Variants in LRBA observed in about 807,000 individuals in gnomAD.
LRBA encodes LPS responsive beige-like anchor protein.
A neutral mutation model predicts 330.0 loss-of-function variants in LRBA; 176 were observed. The ratio of observed to expected loss-of-function variants is 0.53; its 90% CI spans 0.47 to 0.60. The LOEUF is 0.60. Ranked by LOEUF, LRBA falls within the 20% of genes least tolerant of loss-of-function variation. The pLI, the probability that LRBA is intolerant of heterozygous loss-of-function variation, is 0.00. For synonymous variants in LRBA, 1,230 were observed against 1,193.0 expected (o/e 1.03, Z -0.64); for missense variants, 3,259 against 3,444.8 (o/e 0.95, Z 1.35).
intron 41 of LRBA, among the ~76,000 whole-genome samples, chr4:150,489,652 T>C (rs1476752352): frequency 4.1e-5 from 5 of 120,740 alleles, no homozygotes; most frequent in Non-Finnish European, 8.2e-5. Flanking sequence ...ATATAATATA[T>C]AATATTATAT....
chr4:150,992,235 G>T (rs528997960), intron 2 of LRBA, among the ~76,000 whole-genome samples: 37 of 151,244 alleles, frequency 2.4e-4, no homozygotes, highest in African/African-American at 8.7e-4. Flanking sequence ...AAAATCGCTT[G>T]AACTCGGGAG....
intron 40 of LRBA, among the ~76,000 whole-genome samples, chr4:150,528,343 CAA>C (rs144716284): frequency 2.0e-5 from 3 of 151,358 alleles, no homozygotes; most frequent in Non-Finnish European, 4.4e-5. Context: ...ACTAAAAATA[CAA>C]AAAAAATTAG....
intron 34 of LRBA, among the ~76,000 whole-genome samples, chr4:150,781,357 C>T (rs367815587): frequency 1.3e-5 from 2 of 152,230 alleles, no homozygotes; most frequent in African/African-American, 4.8e-5. Context: ...GAGCACACAA[C>T]TTAGATCAGC....
intron 35 of LRBA, among the ~76,000 whole-genome samples, chr4:150,735,748 C>T (rs1051431997): frequency 1.3e-5 from 2 of 152,054 alleles, no homozygotes; most frequent in African/African-American, 4.8e-5. Context: ...TTTGCTATTC[C>T]CAAGTGAGAA....
intron 36 of LRBA, among the ~76,000 whole-genome samples, chr4:150,694,001 T>C (rs1464408989): frequency 6.6e-6 from 1 of 152,198 alleles, no homozygotes; most frequent in Non-Finnish European, 1.5e-5. Context: ...AAGTTTTGTA[T>C]TTAAAACCTC....
chr4:150,438,151 C>A (rs1010326918), intron 44 of LRBA, among the ~76,000 whole-genome samples: 11 of 152,148 alleles, frequency 7.2e-5, no homozygotes, highest in Admixed American at 7.2e-4. Flanking sequence ...AGTACCCACT[C>A]ACTGAAAAAG....
chr4:150,744,782 C>T (rs1016090074), intron 35 of LRBA, among the ~76,000 whole-genome samples: 2 of 152,146 alleles, frequency 1.3e-5, no homozygotes, highest in Non-Finnish European at 2.9e-5. Flanking sequence ...TTAAATGATC[C>T]CAACCCCTTG....
At chr4:150,584,922 G>A (rs1452353593) in intron 40 of LRBA, among the ~76,000 whole-genome samples, 2 of 152,106 alleles carry the variant, frequency 1.3e-5, no homozygotes, top group Non-Finnish European at 2.9e-5. Flanking sequence ...TTGTTCTGTA[G>A]ATGTTAAGAT....
intron 36 of LRBA, among the ~76,000 whole-genome samples, chr4:150,707,230 T>A (rs1464300259): frequency 6.6e-6 from 1 of 151,630 alleles, no homozygotes; most frequent in African/African-American, 2.4e-5. Flanking sequence ...TTTTTTATTT[T>A]AAATTACCTA....
intron 2 of LRBA, among the ~76,000 whole-genome samples, chr4:151,008,696 T>C (rs6842691): frequency 0.96 from 145,573 of 151,682 alleles, 70,126 homozygotes; most frequent in Non-Finnish European, 1. Context: ...ACCTCTAGGC[T>C]GGGCGCAGTG....
At chr4:150,393,217 T>G (rs1230342325) in intron 47 of LRBA, among the ~76,000 whole-genome samples, 6 of 152,176 alleles carry the variant, frequency 3.9e-5, no homozygotes, top group Non-Finnish European at 7.4e-5. Context: ...ATTATATATA[T>G]TCATCTTTGT....
At chr4:150,864,100 G>A (rs1387769182) in intron 22 of LRBA, among the ~76,000 whole-genome samples, 1 of 152,028 alleles carries the variant, frequency 6.6e-6, no homozygotes, top group Non-Finnish European at 1.5e-5. Context: ...ACCACGCCCA[G>A]CTAATTTTTG....
At chr4:150,680,156 G>C (rs1054599851) in intron 37 of LRBA, among the ~76,000 whole-genome samples, 1 of 152,098 alleles carries the variant, frequency 6.6e-6, no homozygotes, top group African/African-American at 2.4e-5. Flanking sequence ...TTCTTATCAA[G>C]CTCTCTCAGT....
chr4:150,643,449 A>G (rs1446327270), intron 37 of LRBA, among the ~76,000 whole-genome samples: 1 of 151,960 alleles, frequency 6.6e-6, no homozygotes, highest in African/African-American at 2.4e-5. Context: ...AGGTGGAAGA[A>G]GAATGGGCAA....
At chr4:150,686,606 TGACA>T (rs1309411446) in intron 36 of LRBA, among the ~76,000 whole-genome samples, 2 of 152,152 alleles carry the variant, frequency 1.3e-5, no homozygotes, top group African/African-American at 4.8e-5. Flanking sequence ...TAGTACGAAA[TGACA>T]GACATTCACA....
chr4:150,537,595 C>T lies in LRBA; in HGVS notation c.6331-46560G>A, dbSNP rs115040661. ...TGCGAACTATGCATCTGACAAAGGC[C>T]TAATATCCAGAATCTATAGGAAACT... On this transcript the variant is annotated intron_variant, in intron 40 of 56. Transcript: ENST00000651943. 4.2e-3 allele frequency among the ~76,000 whole-genome samples: 643 copies of T among 152,284 alleles called. 3 individuals carry two copies. Among genetic ancestry groups the T allele is most frequent in the African/African-American group, 0.015 (622 of 41,570 alleles).
chr4:150,579,205 C>T lies in LRBA; in HGVS notation c.6330+8843G>A, dbSNP rs1202317583. 3 of 456,568 alleles carry T rather than the reference C, an allele frequency of 6.6e-6. No homozygotes were observed. In the Admixed American group the frequency reaches 7.0e-5, roughly 11 times the overall value. 28.3% of individuals were successfully genotyped at this position (456,568 alleles called of 1,614,324 possible). A position where few individuals can be genotyped will look rare whatever the true frequency, so the allele number is the denominator to read the frequency against. On this transcript the variant is annotated intron_variant, in intron 40 of 56. Transcript: ENST00000651943. Reference sequence around the variant, plus strand: ...ACACCATCAAGGAGCTGCTGATGGACTTCTATACTAACATACATAAAAGCA... The same window carrying T: ...ACACCATCAAGGAGCTGCTGATGGATTTCTATACTAACATACATAAAAGCA...
At position 150,265,052 on chromosome 4, in the gene LRBA, A is replaced by G. The variant is rs1745133200; in HGVS notation, c.*670T>C. 6.5e-6 allele frequency: 1 copy of G among 152,706 alleles called. No individual in the cohort carries two copies. The highest frequency in any genetic ancestry group is 6.5e-5 in the Admixed American group (1 of 15,284). The allele number at this position is 152,706 out of a possible 1,614,324, so 9.5% of individuals were successfully genotyped here. A position where few individuals can be genotyped will look rare whatever the true frequency, so the allele number is the denominator to read the frequency against. On this transcript the variant is annotated 3_prime_UTR_variant, in exon 57 of 57. Coordinates refer to ENST00000651943, the MANE Select transcript of LRBA (RefSeq NM_001364905.1). ...TTCCATCATTTCGTTTTGTTGTGCTATGAAGATGACAGATCAGGAAAAAAT... is the reference window on the plus strand; with the variant it reads ...TTCCATCATTTCGTTTTGTTGTGCTGTGAAGATGACAGATCAGGAAAAAAT...
chr4:150,776,718 C>T (rs1348982287), intron 34 of LRBA, among the ~76,000 whole-genome samples: 2 of 151,754 alleles, frequency 1.3e-5, no homozygotes, highest in African/African-American at 4.8e-5. Flanking sequence ...GAGGCTGAGG[C>T]AGTATTGTTT....
Sources: allele counts gnomAD v4.1 joint callset (sites outside exome capture counted in the v4.1 genomes callset), GRCh38; gene constraint gnomAD v4.1.1; transcripts MANE v1.5; gene names NCBI Gene and HGNC (gene_info 2026-07-23, HGNC 2026-07-21).